Variants in POFUT3 observed in about 807,000 individuals in gnomAD.
POFUT3 encodes protein O-fucosyltransferase 3.
At chr8:33,371,092 A>G in the POFUT3 span, 33 of 152,140 alleles carry the variant, frequency 2.2e-4, no homozygotes, top group African/African-American at 7.7e-4. Context: ...TACACAGGGG[A>G]AAAAAAAGAA....
chr8:33,417,255 G>C, the POFUT3 span, among the ~76,000 whole-genome samples: 1 of 152,208 alleles, frequency 6.6e-6, no homozygotes, highest in Non-Finnish European at 1.5e-5. Context: ...GGACCGTCTA[G>C]TTGCAGGAAA....
At chr8:33,378,078 T>G in the POFUT3 span, among the ~76,000 whole-genome samples, 1 of 152,128 alleles carries the variant, frequency 6.6e-6, no homozygotes, top group African/African-American at 2.4e-5. Flanking sequence ...GAGTTCAAAC[T>G]CATCAAAAGC....
At chr8:33,340,603 C>T in the POFUT3 span, among the ~76,000 whole-genome samples, 2 of 151,778 alleles carry the variant, frequency 1.3e-5, no homozygotes, top group African/African-American at 4.8e-5. Context: ...AAAGATATAT[C>T]ATTTAAACAT....
chr8:33,387,118 T>A, the POFUT3 span, among the ~76,000 whole-genome samples: 1 of 152,152 alleles, frequency 6.6e-6, no homozygotes, highest in Non-Finnish European at 1.5e-5. Flanking sequence ...TGTGTGTGTG[T>A]GTATTTAATT....
the POFUT3 span, among the ~76,000 whole-genome samples, chr8:33,346,114 C>A: frequency 6.7e-6 from 1 of 148,482 alleles, no homozygotes; most frequent in East Asian, 2.0e-4. Context: ...CGTGAGCCAC[C>A]GTGCCTGGCC....
the POFUT3 span, among the ~76,000 whole-genome samples, chr8:33,356,886 A>G: frequency 6.6e-6 from 1 of 152,138 alleles, no homozygotes; most frequent in East Asian, 1.9e-4. Flanking sequence ...AGCTTTCTCC[A>G]TATGGCTAGC....
the POFUT3 span, chr8:33,372,384 T>TA: frequency 7.4e-7 from 1 of 1,357,068 alleles, no homozygotes; most frequent in South Asian, 2.0e-5. Context: ...TTTTTTAGTA[T>TA]AAAAAATATA....
the POFUT3 span, among the ~76,000 whole-genome samples, chr8:33,387,633 G>A: frequency 3.9e-5 from 6 of 152,108 alleles, no homozygotes; most frequent in South Asian, 2.1e-4. Context: ...GTGAAACCCC[G>A]TCTCTACTAA....
At chr8:33,345,695 T>C in the POFUT3 span, among the ~76,000 whole-genome samples, 1 of 151,970 alleles carries the variant, frequency 6.6e-6, no homozygotes, top group Admixed American at 6.6e-5. Flanking sequence ...AAATATGTTT[T>C]TATACTCCAT....
the POFUT3 span, among the ~76,000 whole-genome samples, chr8:33,330,818 C>T: frequency 2.6e-5 from 4 of 152,128 alleles, no homozygotes; most frequent in Non-Finnish European, 4.4e-5. Flanking sequence ...CCAGGAGCCC[C>T]TTCCCAGGCG....
chr8:33,404,265 G>A, the POFUT3 span, among the ~76,000 whole-genome samples: 1 of 151,630 alleles, frequency 6.6e-6, no homozygotes, highest in Non-Finnish European at 1.5e-5. Flanking sequence ...TTGAACCCGG[G>A]AAGCGGAGGC....
At chr8:33,427,733 GT>G in the POFUT3 span, among the ~76,000 whole-genome samples, 4 of 152,178 alleles carry the variant, frequency 2.6e-5, no homozygotes, top group Non-Finnish European at 4.4e-5. Context: ...CTCAAAACCT[GT>G]TGTCTTTTTG....
At chr8:33,364,525 A>T in the POFUT3 span, among the ~76,000 whole-genome samples, 3 of 152,214 alleles carry the variant, frequency 2.0e-5, no homozygotes, top group South Asian at 6.2e-4. Flanking sequence ...AGAAAACCCT[A>T]TCGTCTCAGC....
At chr8:33,406,870 T>C in the POFUT3 span, among the ~76,000 whole-genome samples, 1 of 152,178 alleles carries the variant, frequency 6.6e-6, no homozygotes. Flanking sequence ...CCTAGTAGAC[T>C]TCTTTTTGTT....
At chr8:33,453,865 G>A in the POFUT3 span, among the ~76,000 whole-genome samples, 1,748 of 152,020 alleles carry the variant, frequency 0.011, 36 homozygotes, top group African/African-American at 0.038. Flanking sequence ...CAGGAGAATC[G>A]AATCACTTGA....
the POFUT3 span, among the ~76,000 whole-genome samples, chr8:33,434,045 T>C: frequency 6.6e-6 from 1 of 150,570 alleles, no homozygotes; most frequent in Non-Finnish European, 1.5e-5. Flanking sequence ...AGGCAGATCA[T>C]GAGGTCAGAA....
At chr8:33,389,834 C>A in the POFUT3 span, 1 of 1,440,148 alleles carries the variant, frequency 6.9e-7, no homozygotes, top group Non-Finnish European at 9.7e-7. Flanking sequence ...TTAGTATTTC[C>A]AAAAGATGTT....
At chr8:33,444,934 T>TTTTTC in the POFUT3 span, among the ~76,000 whole-genome samples, 2 of 17,730 alleles carry the variant, frequency 1.1e-4, no homozygotes, top group African/African-American at 1.1e-3. Context: ...GACCTTCATC[T>TTTTTC]TTTTTTTTTT....
At chr8:33,348,010 T>A in the POFUT3 span, among the ~76,000 whole-genome samples, 1 of 152,072 alleles carries the variant, frequency 6.6e-6, no homozygotes, top group African/African-American at 2.4e-5. Flanking sequence ...AAACTTGGTC[T>A]CTACTAAAAA....
Sources: allele counts gnomAD v4.1 joint callset (sites outside exome capture counted in the v4.1 genomes callset), GRCh38; gene constraint gnomAD v4.1.1; transcripts MANE v1.5; gene names NCBI Gene and HGNC (gene_info 2026-07-23, HGNC 2026-07-21).